Variants in SVEP1 observed in about 807,000 individuals in gnomAD.
SVEP1 encodes sushi, von Willebrand factor type A, EGF and pentraxin domain-containing protein 1.
In SVEP1, 164 loss-of-function variants were observed where a neutral mutation model predicts 367.3. The observed-to-expected ratio is 0.45, with a 90% CI of 0.39 to 0.51. The LOEUF (loss-of-function observed/expected upper bound fraction) is 0.51, where lower values mean the gene tolerates loss of function less well. Ranked by LOEUF, SVEP1 falls within the 20% of genes least tolerant of loss-of-function variation. The probability of loss-of-function intolerance (pLI) is 0.00; values close to 1 mark genes in which losing one functional copy is unlikely to be tolerated. For missense variants in SVEP1, 4,117 were observed against 4,425.3 expected (o/e 0.93, Z 1.98); for synonymous variants, 1,666 against 1,611.6 (o/e 1.03, Z -0.81).
In SVEP1 at chr9:110,579,298, C is replaced by T. The variant is rs1324540225; in HGVS notation, c.246G>A (p.Leu82=). 8 of 1,568,462 alleles carry T rather than the reference C, an allele frequency of 5.1e-6. No homozygotes were observed. The highest frequency in any genetic ancestry group is 4.1e-5 in the African/African-American group (3 of 73,818). The part of the protein sequence containing the change: ...VRLLRELSER[L]ELVFLVDDSS... ...AATCATCCACCAGGAAGACAAGCTC[C>T]AGGCGCTCGCTGAGCTCCCGCAGCA... The change falls in exon 1 of 48, where the codon CTG becomes CTA. Residue 82 remains leucine (L), a synonymous_variant. Transcript: ENST00000374469. This position sits in a 1 kb window ranked among gnomAD's most constrained non-coding sequence, Gnocchi z 5.3.
intron 1 of SVEP1, among the ~76,000 whole-genome samples, chr9:110,576,336 A>C (rs1588115531): frequency 6.6e-6 from 1 of 152,164 alleles, no homozygotes; most frequent in East Asian, 1.9e-4. Context: ...TTTGGAAAGA[A>C]GACTGAAATA....
At chr9:110,450,561 C>T (rs546783624) in intron 23 of SVEP1, among the ~76,000 whole-genome samples, 6 of 150,042 alleles carry the variant, frequency 4.0e-5, no homozygotes, top group Non-Finnish European at 7.4e-5. Context: ...CTTTCACCTC[C>T]TAGGTTCAAG....
At position 110,427,756 on chromosome 9, in the gene SVEP1, A is replaced by G; in HGVS notation, c.5810T>C (p.Leu1937Ser). Residue 1937 changes from leucine to serine, a missense_variant and splice_region_variant, in exon 36 of 48, where the codon TTA becomes TCA. Leu to Ser is a moderately radical substitution (Grantham distance 145, BLOSUM62 -2). Around this residue, in one of 4 missense-constraint regions of SVEP1, gnomAD observed 2,174 missense variants for 2,494.3 expected, o/e 0.87. Coordinates refer to ENST00000374469, the MANE Select transcript of SVEP1 (RefSeq NM_153366.4). Reference protein sequence around the residue: ...ASYSCDTGYSLQGPSIIECTA... With the variant: ...ASYSCDTGYSSQGPSIIECTA... ...GCATTCAATAATGGAAGGGCCCTGT[A>G]AGCTGCGGGAAAGAATGATGTTACT... The G allele has an allele frequency of 1.2e-6, 2 of 1,609,238 alleles. No individual in the cohort carries two copies. The highest frequency in any genetic ancestry group is 1.7e-6 in the Non-Finnish European group (2 of 1,177,898).
chr9:110,397,057 T>C (rs1335454083), intron 40 of SVEP1, among the ~76,000 whole-genome samples: 5 of 151,810 alleles, frequency 3.3e-5, no homozygotes, highest in African/African-American at 7.3e-5. Context: ...GAATTTTAGA[T>C]GAATATCCTT....
chr9:110,389,138 G>A (rs1414874318), intron 41 of SVEP1, among the ~76,000 whole-genome samples: 1 of 152,096 alleles, frequency 6.6e-6, no homozygotes, highest in Non-Finnish European at 1.5e-5. Flanking sequence ...TGATTTGACA[G>A]ATGGACCAAC....
At chr9:110,391,294 A>G (rs933006832) in intron 40 of SVEP1, among the ~76,000 whole-genome samples, 2 of 143,556 alleles carry the variant, frequency 1.4e-5, no homozygotes, top group African/African-American at 5.2e-5. Flanking sequence ...TTTTTGAGAC[A>G]GAGTTTTGCT....
In SVEP1 at chr9:110,411,234, T is replaced by A. The variant is rs1828039548; in HGVS notation, c.6477A>T (p.Gly2159=). The change falls in exon 37 of 48, where the codon GGA becomes GGT. Residue 2159 remains glycine (G), a synonymous_variant. Transcript: ENST00000374469. ...CCATGGCTCCAAAACTGTAGTTTGA[T>A]CCACTTGCATAGCCATTCATGATGC... is the stretch of plus-strand genomic sequence containing the variant. ...PPSIMNGYAS[G]SNYSFGAMVA... is the part of the protein sequence containing the mutation. 6.2e-7 allele frequency: 1 copy of A among 1,613,910 alleles called. No homozygotes were observed. Among genetic ancestry groups the A allele is most frequent in the Admixed American group, 1.7e-5 (1 of 60,000 alleles).
intron 13 of SVEP1, among the ~76,000 whole-genome samples, chr9:110,478,927 C>CTT (rs113223424): frequency 9.6e-6 from 1 of 103,854 alleles, no homozygotes. Flanking sequence ...CTTTCTTCTT[C>CTT]TTTTTTTTTT....
intron 2 of SVEP1, among the ~76,000 whole-genome samples, chr9:110,548,860 T>C (rs1044593157): frequency 2.0e-5 from 3 of 152,214 alleles, no homozygotes; most frequent in Non-Finnish European, 2.9e-5. Flanking sequence ...TGGTGGCTCA[T>C]GTCTGTAATT....
chr9:110,384,509 T>C (rs1040684835), intron 43 of SVEP1, among the ~76,000 whole-genome samples: 3 of 152,142 alleles, frequency 2.0e-5, no homozygotes, highest in Admixed American at 6.5e-5. Flanking sequence ...ATTCTAATAC[T>C]GCAATAAGCT....
At position 110,411,460 on chromosome 9, in the gene SVEP1, T is replaced by A; in HGVS notation, c.6251A>T (p.Glu2084Val). ...GCTATAGGAAACCGATGGAGGTTTTTCACAGAAATGAGCTATACAACGGGG... is the reference window on the plus strand; with the variant it reads ...GCTATAGGAAACCGATGGAGGTTTTACACAGAAATGAGCTATACAACGGGG... ...DMPRCIAHFC[E>V]KPPSVSYSIL... The change falls in exon 37 of 48, where the codon GAA (glutamate) becomes GTA (valine). Residue 2084 changes from glutamate (E) to valine (V), a missense_variant. By Grantham distance (121) the Glu-to-Val change is moderately radical. Transcript: ENST00000374469. 1.2e-6 allele frequency: 2 copies of A among 1,614,042 alleles called. No homozygotes were observed. Among genetic ancestry groups the A allele is most frequent in the Non-Finnish European group, 1.7e-6 (2 of 1,179,900 alleles).
At position 110,458,365 on chromosome 9, in the gene SVEP1, T is replaced by C. The variant is rs1588063395; in HGVS notation, c.3576+106A>G. On this transcript the variant is annotated intron_variant, in intron 20 of 47. Transcript: ENST00000374469. Reference sequence around the variant, plus strand: ...CATTTATAAAATTCATACATCTTGATTACTTAAAGTTTCAATCCTGGTCCT... The same window carrying C: ...CATTTATAAAATTCATACATCTTGACTACTTAAAGTTTCAATCCTGGTCCT... The C allele has an allele frequency of 4.5e-6, 4 of 879,352 alleles. No homozygotes were observed. The South Asian group carries it at 6.7e-5, about 15-fold the overall frequency. The allele number at this position is 879,352 out of a possible 1,614,324, so 54.5% of individuals were successfully genotyped here. A position where few individuals can be genotyped will look rare whatever the true frequency, so the allele number is the denominator to read the frequency against.
intron 3 of SVEP1, among the ~76,000 whole-genome samples, chr9:110,541,878 T>G (rs905941001): frequency 1.1e-4 from 16 of 142,768 alleles, no homozygotes; most frequent in East Asian, 6.1e-4. Context: ...GATATCTATA[T>G]ATATCTATAT....
At chr9:110,530,675 C>A (rs1175927030) in intron 3 of SVEP1, among the ~76,000 whole-genome samples, 1 of 151,892 alleles carries the variant, frequency 6.6e-6, no homozygotes, top group African/African-American at 2.4e-5. Context: ...TAGCTGGGAC[C>A]ACAGATGCAC....
chr9:110,392,627 G>A (rs143521100), intron 40 of SVEP1, among the ~76,000 whole-genome samples: 310 of 152,118 alleles, frequency 2.0e-3, no homozygotes, highest in Admixed American at 6.1e-3. Flanking sequence ...CTCATCTACT[G>A]TTTGGTTATC....
At chr9:110,375,815 A>AAT (rs1827343069) in intron 45 of SVEP1, among the ~76,000 whole-genome samples, 1 of 152,226 alleles carries the variant, frequency 6.6e-6, no homozygotes, top group African/African-American at 2.4e-5. Flanking sequence ...TTCCATTACA[A>AAT]ATTACATAAA....
chr9:110,401,564 G>A (rs928819103), intron 39 of SVEP1, among the ~76,000 whole-genome samples: 1 of 149,024 alleles, frequency 6.7e-6, no homozygotes, highest in African/African-American at 2.4e-5. Context: ...TATCTATAAA[G>A]AAATCAATAA....
rs373682897 is a variant in SVEP1 at position 110,408,804 on chromosome 9, T to C, written c.6796A>G (p.Lys2266Glu). The C allele has an allele frequency of 6.2e-6, 10 of 1,613,088 alleles. No homozygotes were observed. The South Asian group carries it at 9.9e-5, about 16-fold the overall frequency. ...PLMCVPLDCG[K>E]PPPIQNGFMK... is the part of the protein sequence containing the mutation. ...AAGCCATTCTGGATCGGGGGAGGTTTTCCACAGTCGAGAGGAACACACATC... is the reference window on the plus strand; with the variant it reads ...AAGCCATTCTGGATCGGGGGAGGTTCTCCACAGTCGAGAGGAACACACATC... The change falls in exon 38 of 48, where the codon AAA becomes GAA. Residue 2266 changes from lysine to glutamate, a missense_variant. Lys to Glu is a moderately conservative substitution (Grantham distance 56, BLOSUM62 1). This residue lies in a region of SVEP1 where 1,765 missense variants were observed against 1,781.1 expected (regional missense o/e 0.99). Transcript: ENST00000374469.
Position 110,468,977 on chromosome 9 carries a change from C to T in SVEP1, c.3123G>A (p.Thr1041=), listed in dbSNP as rs1388387317. 5 of 1,612,902 alleles carry T rather than the reference C, an allele frequency of 3.1e-6. No individual in the cohort carries two copies. Among genetic ancestry groups the T allele is most frequent in the South Asian group, 2.2e-5 (2 of 90,872 alleles). The change falls in exon 17 of 48, where the codon ACG becomes ACA. Residue 1041 remains threonine (T), a synonymous_variant. Transcript: ENST00000374469. ...AGATGTTTCTTGAATGGATATATTC[C>T]GTGTACATCCCAGAGGGGCAAAGCT... ...ECKLCPSGMY[T]EYIHSRNISD...
Sources: allele counts gnomAD v4.1 joint callset (sites outside exome capture counted in the v4.1 genomes callset), GRCh38; gene constraint gnomAD v4.1.1; regional missense constraint gnomAD v4.1.1; non-coding constraint Gnocchi (gnomAD v3.1); transcripts MANE v1.5; gene names NCBI Gene and HGNC (gene_info 2026-07-23, HGNC 2026-07-21).